Variants in PTPN12 observed in about 807,000 individuals in gnomAD.
The protein encoded by PTPN12 is protein tyrosine phosphatase non-receptor type 12, also known as tyrosine-protein phosphatase non-receptor type 12.
A neutral mutation model predicts 97.6 loss-of-function variants in PTPN12; 29 were observed. The observed-to-expected ratio is 0.30, with a 90% CI of 0.22 to 0.41. The LOEUF is 0.41. PTPN12 is among the 10% of genes least tolerant of loss of function. The pLI, the probability that PTPN12 is intolerant of heterozygous loss-of-function variation, is 1.00. For missense variants in PTPN12, 819 were observed against 926.0 expected, an observed-to-expected ratio of 0.88 and a Z score of 1.50; for synonymous variants, 327 against 300.4, an observed-to-expected ratio of 1.09 and a Z score of -0.91.
intron 1 of PTPN12, among the ~76,000 whole-genome samples, chr7:77,546,647 G>A (rs1348559372): frequency 6.6e-6 from 1 of 152,214 alleles, no homozygotes; most frequent in Non-Finnish European, 1.5e-5. Context: ...AGAAAGTGGA[G>A]TGTGGACTGT....
chr7:77,634,395 A>G (rs1397594305), intron 14 of PTPN12, among the ~76,000 whole-genome samples: 1 of 151,828 alleles, frequency 6.6e-6, no homozygotes, highest in Non-Finnish European at 1.5e-5. Context: ...ATTTTGACTG[A>G]TTTTTGTTTT....
intron 1 of PTPN12, among the ~76,000 whole-genome samples, chr7:77,542,539 A>C (rs779206472): frequency 5.3e-5 from 8 of 152,316 alleles, no homozygotes; most frequent in Non-Finnish European, 1.2e-4. Context: ...GTGAACTGAG[A>C]TGGGGAAATA....
rs534005769 is a variant in PTPN12, at chr7:77,637,852, C to T, written c.2174-772C>T. 2.7e-3 allele frequency among the ~76,000 whole-genome samples: 249 copies of T among 92,218 alleles called. 1 individual carries two copies. The highest frequency in any genetic ancestry group is 0.013 in the African/African-American group (242 of 18,400). The allele number at this position is 92,218 out of a possible 152,430, so 60.5% of individuals were successfully genotyped here. ...AACCCGGGCAACAAGAGGGAAACTC[C>T]GTCTCAAAAAAAAAAAAAAAAAAAC... On this transcript the variant is annotated intron_variant, in intron 16 of 17. Transcript: ENST00000248594.
At chr7:77,585,618 A>G (rs367651285) in intron 5 of PTPN12, 37 bp downstream of exon 5, 10 of 1,516,016 alleles carry the variant, frequency 6.6e-6, no homozygotes, top group African/African-American at 1.4e-5. Flanking sequence ...TTTCATTTTT[A>G]CGGATAAATA....
intron 11 of PTPN12, among the ~76,000 whole-genome samples, chr7:77,617,868 A>C (rs1379237470): frequency 6.6e-6 from 1 of 152,168 alleles, no homozygotes; most frequent in Admixed American, 6.6e-5. Context: ...ACCAGCAAGA[A>C]CCAAGGATAT....
At chr7:77,566,923 A>G (rs1423481424) in intron 1 of PTPN12, among the ~76,000 whole-genome samples, 3 of 151,958 alleles carry the variant, frequency 2.0e-5, no homozygotes, top group Non-Finnish European at 4.4e-5. Context: ...GATTATATGA[A>G]ATAATTAAAT....
rs566485124 is a variant in PTPN12, at chr7:77,611,579, G to A, written c.939+533G>A. On this transcript the variant is annotated intron_variant, in intron 11 of 17. Transcript: ENST00000248594. ...CCTGCCTCAGCCTCCTGAGTAGCTG[G>A]GATTACAGGCGCACGCCACTGTGCC... is the stretch of plus-strand genomic sequence containing the variant. 4.6e-5 allele frequency among the ~76,000 whole-genome samples: 7 copies of A among 152,258 alleles called. No individual in the cohort carries two copies. In the South Asian group the frequency reaches 1.4e-3, roughly 32 times the overall value.
Position 77,586,784 on chromosome 7 carries a change from C to T in PTPN12, c.420+1203C>T, listed in dbSNP as rs534337712. Among the ~76,000 whole-genome samples, 20 of 152,292 alleles carry T rather than the reference C, an allele frequency of 1.3e-4. No individual in the cohort carries two copies. In the South Asian group the frequency reaches 2.7e-3, roughly 21 times the overall value. On this transcript the variant is annotated intron_variant, in intron 5 of 17. Transcript: ENST00000248594. ...ACTAAGTTGATTTAATGTCCTAAAT[C>T]CTTTGTTGTCATTTCAAGTGCTCAC...
intron 2 of PTPN12, among the ~76,000 whole-genome samples, chr7:77,580,433 A>G (rs1283759411): frequency 2.0e-5 from 3 of 152,228 alleles, no homozygotes; most frequent in Non-Finnish European, 4.4e-5. Flanking sequence ...AACAGCATGT[A>G]TAGGATGCTT....
intron 2 of PTPN12, among the ~76,000 whole-genome samples, chr7:77,580,359 T>G (rs1279159974): frequency 1.3e-5 from 2 of 152,186 alleles, no homozygotes; most frequent in Non-Finnish European, 2.9e-5. Flanking sequence ...AATAATAAAG[T>G]AAATCTTTCT....
intron 1 of PTPN12, among the ~76,000 whole-genome samples, chr7:77,546,694 G>A (rs764258057): frequency 1.3e-5 from 2 of 152,148 alleles, no homozygotes; most frequent in Non-Finnish European, 2.9e-5. Context: ...AGAACTGCCC[G>A]AGACTGGGTA....
At chr7:77,606,018 G>A (rs181623817) in intron 8 of PTPN12, among the ~76,000 whole-genome samples, 1 of 122,912 alleles carries the variant, frequency 8.1e-6, no homozygotes, top group Non-Finnish European at 1.6e-5. Flanking sequence ...GCAATGGCAC[G>A]ATCTTGGGTC....
At chr7:77,593,576 C>T (rs561988290) in intron 6 of PTPN12, among the ~76,000 whole-genome samples, 1 of 152,316 alleles carries the variant, frequency 6.6e-6, no homozygotes, top group African/African-American at 2.4e-5. Context: ...GCCAATGTTG[C>T]AGATGAAGGC....
chr7:77,633,453 C>G (rs1454040570), intron 14 of PTPN12, among the ~76,000 whole-genome samples: 1 of 151,558 alleles, frequency 6.6e-6, no homozygotes, highest in Non-Finnish European at 1.5e-5. Context: ...ACTAGAAATA[C>G]AAAAAATTAG....
intron 7 of PTPN12, among the ~76,000 whole-genome samples, chr7:77,599,317 C>CCT (rs369055469): frequency 4.8e-5 from 6 of 123,892 alleles, no homozygotes; most frequent in Non-Finnish European, 9.8e-5. Context: ...AGCGCCCCGA[C>CCT]TTTTTTTTTT....
intron 13 of PTPN12, among the ~76,000 whole-genome samples, 156 bp downstream of exon 13, chr7:77,627,831 T>C (rs1789256955): frequency 6.6e-6 from 1 of 152,252 alleles, no homozygotes; most frequent in Non-Finnish European, 1.5e-5. Context: ...AATATAAGCT[T>C]TTAATGTATT....
intron 1 of PTPN12, chr7:77,537,981 G>GGC (rs1554306806): frequency 1.0e-6 from 1 of 973,592 alleles, no homozygotes; most frequent in African/African-American, 1.9e-5. Flanking sequence ...TGCAGGCCGG[G>GGC]GGGGGGGGCT....
At chr7:77,625,967 A>T (rs978379746) in intron 12 of PTPN12, among the ~76,000 whole-genome samples, 1 of 152,188 alleles carries the variant, frequency 6.6e-6, no homozygotes, top group Non-Finnish European at 1.5e-5. Flanking sequence ...CCTGGGAAAC[A>T]GGAGAATCTG....
chr7:77,598,182 C>T (rs896447929), intron 7 of PTPN12, among the ~76,000 whole-genome samples: 1 of 151,728 alleles, frequency 6.6e-6, no homozygotes, highest in Non-Finnish European at 1.5e-5. Flanking sequence ...GCACTCCAGC[C>T]TGGGCAACAG....
Sources: gnomAD v4.1 joint callset for allele counts (sites outside exome capture counted in the v4.1 genomes callset) on GRCh38, gnomAD v4.1.1 for gene constraint, MANE v1.5 for transcripts, NCBI Gene and HGNC (gene_info 2026-07-23, HGNC 2026-07-21) for gene names.